Variants in ADRA1B observed in about 807,000 individuals in gnomAD.
The protein encoded by ADRA1B is alpha-1B adrenergic receptor.
Under a neutral mutation model 17.9 loss-of-function variants are expected in ADRA1B, and 17 were observed. The ratio of observed to expected loss-of-function variants is 0.95; its 90% CI spans 0.65 to 1.42. ADRA1B has a LOEUF of 1.42. ADRA1B is among the 40% of genes most tolerant of loss of function. The pLI is 0.00. For synonymous variants in ADRA1B, 366 were observed against 327.6 expected (o/e 1.12, Z -1.27); for missense variants, 681 against 722.1 (o/e 0.94, Z 0.65).
At chr5:159,908,746 A>G (rs1754193563) in intron 1 of ADRA1B, among the ~76,000 whole-genome samples, 2 of 152,244 alleles carry the variant, frequency 1.3e-5, no homozygotes, top group South Asian at 4.1e-4. Context: ...ATATGGATTC[A>G]CTTGGCACAA....
At position 159,916,915 on chromosome 5, in the gene ADRA1B, G is replaced by A. The variant is rs376068891; in HGVS notation, c.10G>A (p.Asp4Asn). 1 of 1,611,018 alleles carries A rather than the reference G, an allele frequency of 6.2e-7. No individual in the cohort carries two copies. Among genetic ancestry groups the A allele is most frequent in the South Asian group, 1.1e-5 (1 of 90,534 alleles). MNPDLDTGHNTSAP... is the reference protein window; with the variant it reads MNPNLDTGHNTSAP... ...GAGGGCGGACTCTAAGATGAATCCC[G>A]ACCTGGACACCGGCCACAACACATC... Residue 4 changes from aspartate to asparagine, a missense_variant, in exon 1 of 2, where the codon GAC becomes AAC. Around this residue, in one of 3 missense-constraint regions of ADRA1B, gnomAD observed 424 missense variants for 480.2 expected, o/e 0.88. Coordinates refer to ENST00000306675, the MANE Select transcript of ADRA1B (RefSeq NM_000679.4).
intron 1 of ADRA1B, among the ~76,000 whole-genome samples, chr5:159,969,933 T>A (rs1180252014): frequency 3.3e-5 from 5 of 151,202 alleles, no homozygotes; most frequent in African/African-American, 1.2e-4. Context: ...ATTGCATTTT[T>A]TTAAAAAAAA....
chr5:159,895,550 A>G (rs1426402990), intron 1 of ADRA1B, among the ~76,000 whole-genome samples: 2 of 152,172 alleles, frequency 1.3e-5, no homozygotes, highest in East Asian at 3.9e-4. Context: ...AGTATTTACA[A>G]TCCCACTCTT....
At chr5:159,919,123 T>C (rs1281012905) in intron 1 of ADRA1B, among the ~76,000 whole-genome samples, 1 of 152,176 alleles carries the variant, frequency 6.6e-6, no homozygotes, top group Non-Finnish European at 1.5e-5. Context: ...AAGAAAAAGA[T>C]TTTCAAAAGC....
chr5:159,988,625 G>A, the ADRA1B span, among the ~76,000 whole-genome samples: 3 of 152,000 alleles, frequency 2.0e-5, no homozygotes, highest in Non-Finnish European at 4.4e-5. Context: ...ATAGAGGTAC[G>A]TCTACACCTG....
intron 1 of ADRA1B, among the ~76,000 whole-genome samples, chr5:159,892,703 A>G (rs1224557189): frequency 6.6e-6 from 1 of 152,212 alleles, no homozygotes; most frequent in Non-Finnish European, 1.5e-5. Flanking sequence ...CATGGTGAAT[A>G]TGTACCATAT....
chr5:159,866,678 T>G (rs1434430426), intron 1 of ADRA1B, among the ~76,000 whole-genome samples: 1 of 152,042 alleles, frequency 6.6e-6, no homozygotes, highest in Non-Finnish European at 1.5e-5. Context: ...AACCATTATG[T>G]GCTTTTATGG....
At chr5:159,923,618 T>C (rs1441539615) in intron 1 of ADRA1B, among the ~76,000 whole-genome samples, 1 of 152,264 alleles carries the variant, frequency 6.6e-6, no homozygotes, top group Non-Finnish European at 1.5e-5. Context: ...GAATACATCA[T>C]GCGAGGAACA....
intron 1 of ADRA1B, among the ~76,000 whole-genome samples, chr5:159,890,737 C>T (rs575961020): frequency 8.5e-5 from 13 of 152,338 alleles, no homozygotes; most frequent in African/African-American, 2.9e-4. Context: ...ACCTGGGAAT[C>T]CACGTGGCAT....
At position 159,961,193 on chromosome 5, in the gene ADRA1B, A is replaced by ACATACTAGG. The variant is rs1305423810; in HGVS notation, c.950-10682_950-10674dup. ...AATTGGATTTTAATTAGAGTCCACC[A>ACATACTAGG]CATACTAGGCATGTGACCTTGTTAA... On this transcript the variant is annotated intron_variant, in intron 1 of 1. Coordinates refer to ENST00000306675, the MANE Select transcript of ADRA1B (RefSeq NM_000679.4). Among the ~76,000 whole-genome samples the ACATACTAGG allele has an allele frequency of 5.9e-5, 9 of 152,214 alleles. No individual in the cohort carries two copies. In the East Asian group the frequency reaches 1.7e-3, roughly 29 times the overall value.
At chr5:159,912,529 G>T (rs1292067633), upstream of ADRA1B, among the ~76,000 whole-genome samples, 3 of 152,178 alleles carry the variant, frequency 2.0e-5, no homozygotes, top group Admixed American at 6.6e-5. Flanking sequence ...CCTTACTAAG[G>T]AGCCTGGTCA....
At chr5:159,958,456 A>T (rs77568997) in intron 1 of ADRA1B, among the ~76,000 whole-genome samples, 1 of 151,998 alleles carries the variant, frequency 6.6e-6, no homozygotes, top group African/African-American at 2.4e-5. Context: ...ATTTTTTTTA[A>T]TTACTATGAT....
chr5:159,911,515 A>G (rs973264698), upstream of ADRA1B, among the ~76,000 whole-genome samples: 1 of 152,126 alleles, frequency 6.6e-6, no homozygotes, highest in Non-Finnish European at 1.5e-5. Context: ...GTGACTTGCC[A>G]GTTAATCTTT....
At position 159,941,537 on chromosome 5, in the gene ADRA1B, G is replaced by T. The variant is rs7736470; in HGVS notation, c.949+23683G>T. Among the ~76,000 whole-genome samples the T allele has an allele frequency of 3.2e-3, 485 of 152,306 alleles. 2 individuals carry two copies. Among genetic ancestry groups the T allele is most frequent in the African/African-American group, 0.011 (462 of 41,546 alleles). Reference sequence around the variant, plus strand: ...AGTCCGACTCCTAGTATACACAGGAGAGAATTGGAAACATGTCCTCACACA... The same window carrying T: ...AGTCCGACTCCTAGTATACACAGGATAGAATTGGAAACATGTCCTCACACA... On this transcript the variant is annotated intron_variant, in intron 1 of 1. Transcript: ENST00000306675.
chr5:159,952,710 C>T (rs1444722221), intron 1 of ADRA1B, among the ~76,000 whole-genome samples: 1 of 152,118 alleles, frequency 6.6e-6, no homozygotes, highest in Non-Finnish European at 1.5e-5. Context: ...CAGTGCTTGC[C>T]ACCTATAAGC....
intron 1 of ADRA1B, among the ~76,000 whole-genome samples, chr5:159,939,322 T>TGCGCGC (rs542707574): frequency 8.4e-5 from 9 of 107,666 alleles, no homozygotes; most frequent in East Asian, 3.2e-4. Context: ...TGTGTGTGTG[T>TGCGCGC]GCGCGCGCGC....
chr5:159,906,678 C>T (rs1055814870), intron 1 of ADRA1B, among the ~76,000 whole-genome samples: 1 of 152,172 alleles, frequency 6.6e-6, no homozygotes, highest in Admixed American at 6.5e-5. Flanking sequence ...AAATTCCAGG[C>T]TCTTGATGGA....
chr5:159,916,016 T>C (rs1170185611), upstream of ADRA1B: 1 of 152,324 alleles, frequency 6.6e-6, no homozygotes, highest in Non-Finnish European at 1.5e-5. Flanking sequence ...CCAAAGAGTT[T>C]GCACGGGGCG....
At chr5:159,982,810 G>A in the ADRA1B span, among the ~76,000 whole-genome samples, 1 of 152,174 alleles carries the variant, frequency 6.6e-6, no homozygotes, top group Admixed American at 6.5e-5. Context: ...GAAGGAGGGA[G>A]GCACGAAGCC....
Sources: allele counts gnomAD v4.1 joint callset (sites outside exome capture counted in the v4.1 genomes callset), GRCh38; gene constraint gnomAD v4.1.1; regional missense constraint gnomAD v4.1.1; transcripts MANE v1.5; gene names NCBI Gene and HGNC (gene_info 2026-07-23, HGNC 2026-07-21).